TFAP2D: variants seen among roughly 807,000 people sequenced by gnomAD.
The protein encoded by TFAP2D is transcription factor AP-2-delta.
TFAP2D carries 9 observed loss-of-function variants against 43.6 expected under a neutral mutation model. The observed-to-expected ratio is 0.21, with a 90% CI of 0.12 to 0.36. The LOEUF (loss-of-function observed/expected upper bound fraction) is 0.36, where lower values mean the gene tolerates loss of function less well. Among genes scored for constraint, TFAP2D ranks in the 10% least tolerant of loss-of-function variants. The pLI, the probability that TFAP2D is intolerant of heterozygous loss-of-function variation, is 1.00. For synonymous variants in TFAP2D, 256 were observed against 224.9 expected, an observed-to-expected ratio of 1.14 and a Z score of -1.24; for missense variants, 513 against 561.4, an observed-to-expected ratio of 0.91 and a Z score of 0.87.
intron 5 of TFAP2D, among the ~76,000 whole-genome samples, chr6:50,736,981 T>C (rs9381892): frequency 0.25 from 37,391 of 152,036 alleles, 5,307 homozygotes; most frequent in East Asian, 0.43. Context: ...TTGTTTTTTG[T>C]TTTGTTTTGT....
chr6:50,772,926 A>G lies in TFAP2D; in HGVS notation c.*62A>G. ...TGCTGATATTTTTTCTAATATATAT[A>G]TCATTGAGGGTGACTAATCTTCAGT... On this transcript the variant is annotated 3_prime_UTR_variant, in exon 8 of 8. Coordinates refer to ENST00000008391, the MANE Select transcript of TFAP2D (RefSeq NM_172238.4). The G allele has an allele frequency of 6.8e-7, 1 of 1,462,382 alleles. No homozygotes were observed. Among genetic ancestry groups the G allele is most frequent in the South Asian group, 1.2e-5 (1 of 80,882 alleles). The allele number at this position is 1,462,382 out of a possible 1,614,324, so 90.6% of individuals were successfully genotyped here.
intron 3 of TFAP2D, among the ~76,000 whole-genome samples, chr6:50,727,287 G>A (rs550459019): frequency 6.6e-6 from 1 of 152,260 alleles, no homozygotes; most frequent in Admixed American, 6.5e-5. Context: ...AGTGGGGCAA[G>A]GTTAACTTTT....
chr6:50,725,132 C>A (rs111930377), intron 3 of TFAP2D, among the ~76,000 whole-genome samples: 27 of 152,252 alleles, frequency 1.8e-4, no homozygotes, highest in Non-Finnish European at 2.6e-4. Context: ...GGTAAAGCCA[C>A]CCCATGCTTC....
chr6:50,765,898 T>C (rs1769434922), intron 7 of TFAP2D, among the ~76,000 whole-genome samples: 1 of 152,224 alleles, frequency 6.6e-6, no homozygotes, highest in African/African-American at 2.4e-5. Flanking sequence ...TTTTTGGTTT[T>C]GTTGCCTGTG....
At chr6:50,735,863 A>G (rs1286801124) in intron 5 of TFAP2D, among the ~76,000 whole-genome samples, 2 of 152,214 alleles carry the variant, frequency 1.3e-5, no homozygotes, top group Non-Finnish European at 2.9e-5. Flanking sequence ...TTTGGAAAGA[A>G]GTATCATTGA....
chr6:50,723,421 G>A (rs886476611), intron 3 of TFAP2D, among the ~76,000 whole-genome samples: 6 of 152,206 alleles, frequency 3.9e-5, no homozygotes, highest in Non-Finnish European at 7.3e-5. Flanking sequence ...AGTACAATTG[G>A]AGGAGCGTGG....
chr6:50,716,592 C>G (rs78791250), intron 2 of TFAP2D, among the ~76,000 whole-genome samples: 2,018 of 152,178 alleles, frequency 0.013, 48 homozygotes, highest in African/African-American at 0.045. Flanking sequence ...CATTCTTTAC[C>G]AAAGATAGAA....
chr6:50,736,740 A>G (rs191928833), intron 5 of TFAP2D, among the ~76,000 whole-genome samples: 1 of 152,232 alleles, frequency 6.6e-6, no homozygotes, highest in African/African-American at 2.4e-5. Flanking sequence ...GGGTGTCCAT[A>G]AACTCCTGTT....
rs774177900 is a variant in TFAP2D, at chr6:50,772,698, T to C, written c.1193T>C (p.Phe398Ser). 6.2e-7 allele frequency: 1 copy of C among 1,614,168 alleles called. No individual in the cohort carries two copies. The highest frequency in any genetic ancestry group is 1.1e-5 in the South Asian group (1 of 91,086). Residue 398 changes from phenylalanine to serine, a missense_variant, in exon 8 of 8, where the codon TTC becomes TCC. Physicochemically the swap from Phe to Ser is radical, Grantham distance 155. This residue lies in a region of TFAP2D where 199 missense variants were observed against 227.9 expected (regional missense o/e 0.87). Transcript: ENST00000008391. ...TPAICAALST[F>S]QTVLSEMLNY... ...GCAATATGTGCAGCTCTAAGCACTT[T>C]CCAAACAGTTCTCAGTGAAATGCTG...
At chr6:50,714,744 C>T (rs928414203) in intron 1 of TFAP2D, among the ~76,000 whole-genome samples, 1 of 152,086 alleles carries the variant, frequency 6.6e-6, no homozygotes, top group Admixed American at 6.5e-5. Context: ...CCCGCGGCCC[C>T]GGAGTCAGTT....
At position 50,729,751 on chromosome 6, in the gene TFAP2D, G is replaced by A. The variant is rs116689689; in HGVS notation, c.883+439G>A. On this transcript the variant is annotated intron_variant, in intron 5 of 7. Coordinates refer to ENST00000008391, the MANE Select transcript of TFAP2D (RefSeq NM_172238.4). ...TCTAGGCATGATACTGAGCCTGAAA[G>A]CATATTGTATTAATCCTAGTAGACC... Among the ~76,000 whole-genome samples the A allele has an allele frequency of 5.1e-3, 770 of 152,248 alleles. 1 individual carries two copies. The highest frequency in any genetic ancestry group is 8.6e-3 in the Non-Finnish European group (585 of 68,016).
chr6:50,744,294 C>T (rs1006891396), intron 5 of TFAP2D, among the ~76,000 whole-genome samples: 1 of 152,064 alleles, frequency 6.6e-6, no homozygotes, highest in Non-Finnish European at 1.5e-5. Flanking sequence ...TAAGAACATG[C>T]AGTATTCGGT....
At chr6:50,730,377 A>G (rs1218917834) in intron 5 of TFAP2D, among the ~76,000 whole-genome samples, 1 of 152,104 alleles carries the variant, frequency 6.6e-6, no homozygotes, top group African/African-American at 2.4e-5. Flanking sequence ...AACACTGACA[A>G]CTGACATTTA....
chr6:50,714,014 TG>T lies in TFAP2D; in HGVS notation c.-40del. 1 of 1,610,224 alleles carries T rather than the reference TG, an allele frequency of 6.2e-7. No homozygotes were observed. Among genetic ancestry groups the T allele is most frequent in the African/African-American group, 1.3e-5 (1 of 74,630 alleles). ...GATTTTTTTTTCCCGATTCTTTTTT[TG>T]GAGGGGGAAATTGCATCGTAAGCTT... On this transcript the variant is annotated 5_prime_UTR_variant, in exon 1 of 8. Coordinates refer to ENST00000008391, the MANE Select transcript of TFAP2D (RefSeq NM_172238.4).
At chr6:50,746,045 AG>A (rs1469857839) in intron 6 of TFAP2D, among the ~76,000 whole-genome samples, 1 of 152,160 alleles carries the variant, frequency 6.6e-6, no homozygotes, top group African/African-American at 2.4e-5. Context: ...AAAGTTTTAG[AG>A]GAAAATCCTT....
At chr6:50,743,451 G>A (rs1188238896) in intron 5 of TFAP2D, among the ~76,000 whole-genome samples, 2 of 151,824 alleles carry the variant, frequency 1.3e-5, no homozygotes, top group South Asian at 2.1e-4. Flanking sequence ...GTGTAATTAC[G>A]GCTCACTACA....
At chr6:50,768,053 G>T (rs76716675) in intron 7 of TFAP2D, among the ~76,000 whole-genome samples, 2 of 152,068 alleles carry the variant, frequency 1.3e-5, no homozygotes, top group Non-Finnish European at 2.9e-5. Flanking sequence ...TGTGAAATGC[G>T]CTCTCATCAG....
chr6:50,735,723 T>C (rs1050972312), intron 5 of TFAP2D, among the ~76,000 whole-genome samples: 4 of 152,158 alleles, frequency 2.6e-5, no homozygotes, highest in Admixed American at 2.6e-4. Flanking sequence ...GTATTTCCCT[T>C]CTACCTTTAA....
At chr6:50,771,460 A>G (rs546630453) in intron 7 of TFAP2D, among the ~76,000 whole-genome samples, 35 of 152,308 alleles carry the variant, frequency 2.3e-4, no homozygotes, top group Non-Finnish European at 4.1e-4. Context: ...GTGCATTACT[A>G]TGGAAAAGGA....
Sources: allele counts gnomAD v4.1 joint callset (sites outside exome capture counted in the v4.1 genomes callset), GRCh38; gene constraint gnomAD v4.1.1; regional missense constraint gnomAD v4.1.1; transcripts MANE v1.5; gene names NCBI Gene and HGNC (gene_info 2026-07-23, HGNC 2026-07-21).